The following LST1 variants were observed in gnomAD, a reference collection of about 807,000 sequenced individuals.
LST1 encodes leukocyte-specific transcript 1 protein.
In LST1, 9 loss-of-function variants were observed where a neutral mutation model predicts 8.5. The ratio of observed to expected loss-of-function variants is 1.06; its 90% CI spans 0.64 to 1.85. LST1 has a LOEUF of 1.85. LST1 is among the 40% of genes most tolerant of loss of function. The pLI is 0.00. For synonymous variants in LST1, 53 were observed against 50.4 expected, an observed-to-expected ratio of 1.05 and a Z score of -0.21; for missense variants, 121 against 117.1, an observed-to-expected ratio of 1.03 and a Z score of -0.16.
chr6:31,588,707 G>T lies in LST1; in HGVS notation c.*31G>T, dbSNP rs964278712. 11 of 1,612,140 alleles carry T rather than the reference G, an allele frequency of 6.8e-6. No homozygotes were observed. Among genetic ancestry groups the T allele is most frequent in the Non-Finnish European group, 9.3e-6 (11 of 1,179,256 alleles). ...CCAGACACCTTCCTCAACCCAGGCG[G>T]GTGGACAGGGTCCCCCTGTGGTCCA... On this transcript the variant is annotated 3_prime_UTR_variant, in exon 5 of 5. Coordinates refer to ENST00000438075, the MANE Select transcript of LST1 (RefSeq NM_205839.3).
intron 3 of LST1, 29 bp downstream of exon 3, chr6:31,587,762 G>C (rs1421216514): frequency 1.3e-6 from 2 of 1,531,346 alleles, no homozygotes; most frequent in South Asian, 2.4e-5. Flanking sequence ...CCCTCCCCCT[G>C]CAGCAGTGCC....
chr6:31,588,403 G>GGGA (rs1181746757), intron 4 of LST1, 115 bp from the exon 5 acceptor site: 405 of 540,882 alleles, frequency 7.5e-4, no homozygotes, highest in African/African-American at 7.0e-3. Context: ...AGAGAGAGAG[G>GGGA]GAGAGAGAGA....
In LST1 at chr6:31,587,644, T is replaced by C. The variant is rs770353121; in HGVS notation, c.23T>C (p.Ile8Thr). ...CCTTGAGCCCTCTTCCCTGAAGATA[T>C]ATGTATCTACGGGGGCCTGGGGCTG... Reference protein sequence around the residue: MLSRNDDICIYGGLGLGG... With the variant: MLSRNDDTCIYGGLGLGG... The change falls in exon 3 of 5, where the codon ATA becomes ACA. Residue 8 changes from isoleucine (I) to threonine (T), a missense_variant. Physicochemically the swap from Ile to Thr is moderately conservative, Grantham distance 89 (BLOSUM62 -1). Transcript: ENST00000438075. The C allele has an allele frequency of 2.9e-5, 46 of 1,593,138 alleles. No individual in the cohort carries two copies. Among genetic ancestry groups the C allele is most frequent in the Non-Finnish European group, 3.9e-5 (45 of 1,167,722 alleles).
chr6:31,588,865 T>A lies in LST1; in HGVS notation c.*189T>A. ...TTGAATAGGGAATTTTTTAAATTTT[T>A]TAAAAATTAAAATAAAAAAAACACA... On this transcript the variant is annotated 3_prime_UTR_variant, in exon 5 of 5. Transcript: ENST00000438075. The A allele has an allele frequency of 1.1e-6, 1 of 882,218 alleles. No homozygotes were observed. The allele number at this position is 882,218 out of a possible 1,614,324, so 54.6% of individuals were successfully genotyped here.
At chr6:31,587,912 T>G in intron 3 of LST1, 32 bp from the exon 4 acceptor site, 1 of 1,603,182 alleles carries the variant, frequency 6.2e-7, no homozygotes, top group African/African-American at 1.3e-5. Context: ...GCACAAAGGG[T>G]GGGCTGTGTT....
Position 31,588,403 on chromosome 6 carries a change from G to GGGAGAGA in LST1, c.136-114_136-113insGAGAGAG, listed in dbSNP as rs1181746757. 1.1e-5 allele frequency: 6 copies of GGGAGAGA among 541,688 alleles called. No homozygotes were observed. In the East Asian group the frequency reaches 1.6e-4, roughly 15 times the overall value. 33.6% of individuals were successfully genotyped at this position (541,688 alleles called of 1,614,324 possible). A position where few individuals can be genotyped will look rare whatever the true frequency, so the allele number is the denominator to read the frequency against. Reference sequence around the variant, plus strand: ...GAGAGAGAGAGAGAGAGAGAGAGAGGGAGAGAGAGAGAGAGAGAGGGAGAG... The same window carrying GGGAGAGA: ...GAGAGAGAGAGAGAGAGAGAGAGAGGGGAGAGAGAGAGAGAGAGAGAGAGAGGGAGAG... On this transcript the variant is annotated intron_variant, in intron 4 of 4. Transcript: ENST00000438075.
chr6:31,587,591 T>A, intron 2 of LST1, 50 bp from the exon 3 acceptor site: 1 of 1,176,472 alleles, frequency 8.5e-7, no homozygotes. Flanking sequence ...GAGGCTGGGG[T>A]ACGCTGGAGA....
At chr6:31,588,449 G>A in intron 4 of LST1, 69 bp from the exon 5 acceptor site, 1 of 1,505,826 alleles carries the variant, frequency 6.6e-7, no homozygotes, top group Non-Finnish European at 9.0e-7. Context: ...GGCTGGAGGT[G>A]GGAGCAGAAC....
At chr6:31,588,482 A>C (rs940609384) in intron 4 of LST1, 36 bp from the exon 5 acceptor site, 14 of 1,561,622 alleles carry the variant, frequency 9.0e-6, no homozygotes, top group Non-Finnish European at 1.0e-5. Context: ...ATCTGACGGC[A>C]TCGCCTCCCA....
At chr6:31,588,392 GA>G in intron 4 of LST1, 125 bp from the exon 5 acceptor site, 1 of 937,380 alleles carries the variant, frequency 1.1e-6, no homozygotes, top group Non-Finnish European at 1.6e-6. Context: ...GAGAGAGAGA[GA>G]GAGAGAGAGG....
intron 2 of LST1, 122 bp downstream of exon 2, chr6:31,587,440 G>A (rs377137166): frequency 4.1e-6 from 5 of 1,208,050 alleles, no homozygotes; most frequent in Non-Finnish European, 4.9e-6. Context: ...GCTGGTACAG[G>A]AGGGAAAGGG....
chr6:31,588,421 A>G (rs1420781216), intron 4 of LST1, 97 bp from the exon 5 acceptor site: 25 of 1,271,756 alleles, frequency 2.0e-5, no homozygotes, highest in African/African-American at 1.5e-4. Flanking sequence ...AGAGAGAGAG[A>G]GGGAGAGAAG....
Position 31,587,747 on chromosome 6 carries a change from T to A in LST1, c.112+14T>A, listed in dbSNP as rs767588569. The A allele has an allele frequency of 5.8e-5, 91 of 1,560,310 alleles. No homozygotes were observed. The highest frequency in any genetic ancestry group is 7.3e-5 in the Non-Finnish European group (84 of 1,148,924). ...TGCATCGAAGAGGTGAGCGCTGCACTCCCTCCCTCCCCCTGCAGCAGTGCC... is the reference window on the plus strand; with the variant it reads ...TGCATCGAAGAGGTGAGCGCTGCACACCCTCCCTCCCCCTGCAGCAGTGCC... On this transcript the variant is annotated intron_variant, in intron 3 of 4. Transcript: ENST00000438075.
chr6:31,588,381 AGAGAGAGAGAG>A, intron 4 of LST1, 126 bp from the exon 5 acceptor site: 1 of 770,952 alleles, frequency 1.3e-6, no homozygotes, highest in South Asian at 2.0e-5. Flanking sequence ...AAAAAGAGAG[AGAGAGAGAGAG>A]AGAGAGAGAG....
chr6:31,587,544 G>A (rs1318814590), intron 2 of LST1, 97 bp from the exon 3 acceptor site: 2 of 835,998 alleles, frequency 2.4e-6, no homozygotes, highest in Middle Eastern at 2.3e-4. Context: ...CTCTAAAACT[G>A]TTGGAGAGGG....
At position 31,587,712 on chromosome 6, in the gene LST1, C is replaced by A; in HGVS notation, c.91C>A (p.Leu31Met). 1 of 1,602,308 alleles carries A rather than the reference C, an allele frequency of 6.2e-7. No individual in the cohort carries two copies. The highest frequency in any genetic ancestry group is 1.1e-5 in the South Asian group (1 of 89,176). Reference sequence around the variant, plus strand: ...GGCAGTGGTCCTTCTGTCCGCCTGCCTGTGTTGGCTGCATCGAAGAGGTGA... The same window carrying A: ...GGCAGTGGTCCTTCTGTCCGCCTGCATGTGTTGGCTGCATCGAAGAGGTGA... ...LLAVVLLSAC[L>M]CWLHRRVKRL... The change falls in exon 3 of 5, where the codon CTG becomes ATG. Residue 31 changes from leucine to methionine, a missense_variant. Transcript: ENST00000438075.
chr6:31,587,658 G>A lies in LST1; in HGVS notation c.37G>A (p.Gly13Ser), dbSNP rs1284707037. ...CCCTGAAGATATATGTATCTACGGG[G>A]GCCTGGGGCTGGGCGGGCTCCTGCT... is the stretch of plus-strand genomic sequence containing the variant. ...SRNDDICIYG[G>S]LGLGGLLLLA... The change falls in exon 3 of 5, where the codon GGC becomes AGC. Residue 13 changes from glycine to serine, a missense_variant. Physicochemically the swap from Gly to Ser is moderately conservative, Grantham distance 56. Transcript: ENST00000438075. The A allele has an allele frequency of 2.5e-6, 4 of 1,603,224 alleles. No individual in the cohort carries two copies. Among genetic ancestry groups the A allele is most frequent in the Non-Finnish European group, 3.4e-6 (4 of 1,175,538 alleles).
Position 31,588,552 on chromosome 6 carries a change from C to G in LST1, c.170C>G (p.Ala57Gly). ...TCCTCAGAGCAGGAACTCCACTATG[C>G]ATCTCTGCAGAGGCTGCCAGTGCCC... ...QGSSEQELHY[A>G]SLQRLPVPSS... The change falls in exon 5 of 5, where the codon GCA (alanine) becomes GGA (glycine). Residue 57 changes from alanine (A) to glycine (G), a missense_variant. Coordinates refer to ENST00000438075, the MANE Select transcript of LST1 (RefSeq NM_205839.3). 2 of 1,611,826 alleles carry G rather than the reference C, an allele frequency of 1.2e-6. No individual in the cohort carries two copies. The highest frequency in any genetic ancestry group is 1.7e-6 in the Non-Finnish European group (2 of 1,179,412).
chr6:31,588,018 A>T, intron 4 of LST1, 52 bp downstream of exon 4: 1 of 1,550,600 alleles, frequency 6.4e-7, no homozygotes, highest in Non-Finnish European at 8.7e-7. Context: ...TGAGTGGGTG[A>T]GTGGGGAGAA....
Sources: gnomAD v4.1 joint callset for allele counts on GRCh38, gnomAD v4.1.1 for gene constraint, MANE v1.5 for transcripts, NCBI Gene and HGNC (gene_info 2026-07-23, HGNC 2026-07-21) for gene names.